Variants in KIRREL3 observed in about 807,000 individuals in gnomAD.
KIRREL3 encodes the protein kirre like nephrin family adhesion molecule 3.
KIRREL3 carries 36 observed loss-of-function variants against 89.7 expected under a neutral mutation model. The ratio of observed to expected loss-of-function variants is 0.40; its 90% CI spans 0.31 to 0.53. KIRREL3 has a LOEUF of 0.53. Among genes scored for constraint, KIRREL3 ranks in the 20% least tolerant of loss-of-function variants. KIRREL3 has a pLI of 0.49. For missense variants in KIRREL3, 864 were observed against 1,056.6 expected (o/e 0.82, Z 2.53); for synonymous variants, 445 against 441.4 (o/e 1.01, Z -0.10).
chr11:126,931,909 C>T lies in KIRREL3; in HGVS notation c.55+68546G>A, dbSNP rs1325732649. Reference sequence around the variant, plus strand: ...CGAGGCATACTCGTACCAAGGAGGGCATAAGGATTTTATTTCCACAGCTAC... The same window carrying T: ...CGAGGCATACTCGTACCAAGGAGGGTATAAGGATTTTATTTCCACAGCTAC... On this transcript the variant is annotated intron_variant, in intron 1 of 16. Coordinates refer to ENST00000525144, the MANE Select transcript of KIRREL3 (RefSeq NM_032531.4). The surrounding 1 kb of genome is among the most constrained non-coding windows in gnomAD (Gnocchi z 5.1). 6.6e-6 allele frequency among the ~76,000 whole-genome samples: 1 copy of T among 152,162 alleles called. No homozygotes were observed. The highest frequency in any genetic ancestry group is 1.5e-5 in the Non-Finnish European group (1 of 68,038).
chr11:126,829,452 G>A lies in KIRREL3; in HGVS notation c.55+171003C>T, dbSNP rs576369834. On this transcript the variant is annotated intron_variant, in intron 1 of 16. Coordinates refer to ENST00000525144, the MANE Select transcript of KIRREL3 (RefSeq NM_032531.4). ...CAAGATTCACCCACTAGATTCCATA[G>A]GCATTAAGAATCCAGCTCAGAGGTA... is the stretch of plus-strand genomic sequence containing the variant. 3.3e-5 allele frequency among the ~76,000 whole-genome samples: 5 copies of A among 152,246 alleles called. No homozygotes were observed. The South Asian group carries it at 8.3e-4, about 25-fold the overall frequency.
At chr11:126,919,518 AC>A (rs1312253454) in intron 1 of KIRREL3, among the ~76,000 whole-genome samples, 1 of 152,218 alleles carries the variant, frequency 6.6e-6, no homozygotes, top group East Asian at 1.9e-4. Context: ...ATGTCCAGTC[AC>A]CACCCAAGGC....
Position 126,734,259 on chromosome 11 carries a change from T to C in KIRREL3, c.56-171347A>G, listed in dbSNP as rs1239989792. 6.6e-6 allele frequency among the ~76,000 whole-genome samples: 1 copy of C among 152,228 alleles called. No homozygotes were observed. Among genetic ancestry groups the C allele is most frequent in the South Asian group, 2.1e-4 (1 of 4,826 alleles). ...GAAAAAAAGCTCTACTTTTGGGATC[T>C]ATGGCAGGTTCTTGGGGTCATTTAT... On this transcript the variant is annotated intron_variant, in intron 1 of 16. Coordinates refer to ENST00000525144, the MANE Select transcript of KIRREL3 (RefSeq NM_032531.4). The surrounding 1 kb of genome is among the most constrained non-coding windows in gnomAD (Gnocchi z 5.9).
chr11:126,464,218 A>C (rs546056368), intron 5 of KIRREL3, among the ~76,000 whole-genome samples: 1 of 151,994 alleles, frequency 6.6e-6, no homozygotes, highest in South Asian at 2.1e-4. Context: ...GAAGAAGAGA[A>C]GAGAGTCTGC....
chr11:126,770,543 C>T lies in KIRREL3; in HGVS notation c.56-207631G>A, dbSNP rs150445423. Among the ~76,000 whole-genome samples, 554 of 152,262 alleles carry T rather than the reference C, an allele frequency of 3.6e-3. 2 individuals carry two copies. The highest frequency in any genetic ancestry group is 4.9e-3 in the Non-Finnish European group (336 of 68,014). On this transcript the variant is annotated intron_variant, in intron 1 of 16. Coordinates refer to ENST00000525144, the MANE Select transcript of KIRREL3 (RefSeq NM_032531.4). The stretch of plus-strand genomic sequence containing the variant: ...TAAAAATGCCTTGATGGTTGTAAAA[C>T]GGAAGGCGAAGCACATCGTGCCTCT...
rs1319125976 is a variant in KIRREL3, at chr11:126,791,491, A to G, written c.55+208964T>C. Among the ~76,000 whole-genome samples the G allele has an allele frequency of 6.6e-6, 1 of 152,248 alleles. No individual in the cohort carries two copies. The highest frequency in any genetic ancestry group is 1.9e-4 in the East Asian group (1 of 5,196). ...TTGCAGAAAATTGTACATATTGTGCAGATCCATCTCCTTTTCTTGCCCTTC... is the reference window on the plus strand; with the variant it reads ...TTGCAGAAAATTGTACATATTGTGCGGATCCATCTCCTTTTCTTGCCCTTC... On this transcript the variant is annotated intron_variant, in intron 1 of 16. Transcript: ENST00000525144. This position sits in a 1 kb window ranked among gnomAD's most constrained non-coding sequence, Gnocchi z 4.8.
intron 2 of KIRREL3, among the ~76,000 whole-genome samples, chr11:126,538,837 C>T (rs537148596): frequency 2.0e-5 from 3 of 152,132 alleles, no homozygotes; most frequent in Non-Finnish European, 4.4e-5. Context: ...TCTGGAGCTG[C>T]GGGGAGGCAA....
chr11:126,442,739 C>T (rs921527807), intron 10 of KIRREL3, among the ~76,000 whole-genome samples: 2 of 152,262 alleles, frequency 1.3e-5, no homozygotes, highest in Non-Finnish European at 2.9e-5. Flanking sequence ...AGACAGTTCG[C>T]CCCCTGGCAG....
At position 126,623,992 on chromosome 11, in the gene KIRREL3, C is replaced by G. The variant is rs536371038; in HGVS notation, c.56-61080G>C. 5.3e-5 allele frequency among the ~76,000 whole-genome samples: 8 copies of G among 152,264 alleles called. No homozygotes were observed. The highest frequency in any genetic ancestry group is 1.0e-4 in the Non-Finnish European group (7 of 68,012). On this transcript the variant is annotated intron_variant, in intron 1 of 16. Transcript: ENST00000525144. The surrounding 1 kb of genome is among the most constrained non-coding windows in gnomAD (Gnocchi z 4.1). ...AACTGGTCAGAAAGATCCAACAGCT[C>G]AGACAAGGAGAAGGGAAGAGCTAAT...
chr11:126,527,229 T>C lies in KIRREL3; in HGVS notation c.134-542A>G, dbSNP rs1591681381. 6.6e-6 allele frequency among the ~76,000 whole-genome samples: 1 copy of C among 151,922 alleles called. No homozygotes were observed. The highest frequency in any genetic ancestry group is 2.1e-4 in the South Asian group (1 of 4,796). On this transcript the variant is annotated intron_variant, in intron 2 of 16. Transcript: ENST00000525144. The surrounding 1 kb of genome is among the most constrained non-coding windows in gnomAD (Gnocchi z 4.2). Reference sequence around the variant, plus strand: ...TGAGGGCCAAGTTCAGAGGGGTGGGTGGTGGTGCAGTATGGCAGGAGGTGT... The same window carrying C: ...TGAGGGCCAAGTTCAGAGGGGTGGGCGGTGGTGCAGTATGGCAGGAGGTGT...
At chr11:126,944,684 C>G (rs1192422271) in intron 1 of KIRREL3, among the ~76,000 whole-genome samples, 1 of 152,038 alleles carries the variant, frequency 6.6e-6, no homozygotes, top group Non-Finnish European at 1.5e-5. Context: ...TGCCACCTTC[C>G]CCTACACCCA....
rs1958416791 is a variant in KIRREL3 at position 126,516,616 on chromosome 11, A to G, written c.433+4699T>C. Among the ~76,000 whole-genome samples, 1 of 152,106 alleles carries G rather than the reference A, an allele frequency of 6.6e-6. No homozygotes were observed. Among genetic ancestry groups the G allele is most frequent in the Non-Finnish European group, 1.5e-5 (1 of 68,026 alleles). On this transcript the variant is annotated intron_variant, in intron 4 of 16. Transcript: ENST00000525144. The surrounding 1 kb of genome is among the most constrained non-coding windows in gnomAD (Gnocchi z 4.9). ...TGCTCAGTAAACATTTGTTGATCAAATCCTTGGTACCATTTCCTCCCTGCC... is the reference window on the plus strand; with the variant it reads ...TGCTCAGTAAACATTTGTTGATCAAGTCCTTGGTACCATTTCCTCCCTGCC...
At position 126,999,127 on chromosome 11, in the gene KIRREL3, C is replaced by G. The variant is rs1026649654; in HGVS notation, c.55+1328G>C. Among the ~76,000 whole-genome samples the G allele has an allele frequency of 6.9e-6, 1 of 145,568 alleles. No individual in the cohort carries two copies. Among genetic ancestry groups the G allele is most frequent in the Non-Finnish European group, 1.5e-5 (1 of 67,018 alleles). ...TGCTGTAGGGAGCCTTGGTGAGAAG[C>G]ACACAACCATATGAATACATGAGTG... On this transcript the variant is annotated intron_variant, in intron 1 of 16. Coordinates refer to ENST00000525144, the MANE Select transcript of KIRREL3 (RefSeq NM_032531.4). The surrounding 1 kb of genome is among the most constrained non-coding windows in gnomAD (Gnocchi z 5.7).
At chr11:126,464,858 C>T (rs1488254467) in intron 5 of KIRREL3, among the ~76,000 whole-genome samples, 3 of 152,178 alleles carry the variant, frequency 2.0e-5, no homozygotes, top group Non-Finnish European at 4.4e-5. Flanking sequence ...AATTGTGGTG[C>T]TTTGTAATGG....
chr11:126,807,408 A>C lies in KIRREL3; in HGVS notation c.55+193047T>G, dbSNP rs1171676054. ...GCCATGTACACATGTTCTAACCTGT[A>C]TTTTGGCTTCTAGTGGTTGAGACCT... On this transcript the variant is annotated intron_variant, in intron 1 of 16. Transcript: ENST00000525144. This position sits in a 1 kb window ranked among gnomAD's most constrained non-coding sequence, Gnocchi z 4.3. 6.6e-6 allele frequency among the ~76,000 whole-genome samples: 1 copy of C among 152,194 alleles called. No individual in the cohort carries two copies. The highest frequency in any genetic ancestry group is 1.5e-5 in the Non-Finnish European group (1 of 68,028).
At chr11:126,809,167 G>A (rs924801571) in intron 1 of KIRREL3, among the ~76,000 whole-genome samples, 1 of 152,130 alleles carries the variant, frequency 6.6e-6, no homozygotes, top group African/African-American at 2.4e-5. Flanking sequence ...CTTCATTAAG[G>A]GGTGGCAGAG....
chr11:126,922,937 C>T (rs931098328), intron 1 of KIRREL3, among the ~76,000 whole-genome samples: 1 of 152,212 alleles, frequency 6.6e-6, no homozygotes, highest in Non-Finnish European at 1.5e-5. Context: ...GGCCTCATGA[C>T]TCTGAGTCCC....
At chr11:126,894,566 A>AGG (rs1946068077) in intron 1 of KIRREL3, among the ~76,000 whole-genome samples, 1 of 149,174 alleles carries the variant, frequency 6.7e-6, no homozygotes, top group Non-Finnish European at 1.5e-5. Context: ...AAAAAAAAAA[A>AGG]AAAAGGAAAA....
chr11:126,891,736 G>T lies in KIRREL3; in HGVS notation c.55+108719C>A, dbSNP rs186449273. Among the ~76,000 whole-genome samples, 99 of 152,296 alleles carry T rather than the reference G, an allele frequency of 6.5e-4. No homozygotes were observed. The highest frequency in any genetic ancestry group is 2.2e-3 in the African/African-American group (93 of 41,574). The stretch of plus-strand genomic sequence containing the variant: ...TGACTCAAAGGAAGTTGGCTGGCAG[G>T]TTCTGCGATCCCTGGAGATGGGCAG... On this transcript the variant is annotated intron_variant, in intron 1 of 16. Transcript: ENST00000525144. This position sits in a 1 kb window ranked among gnomAD's most constrained non-coding sequence, Gnocchi z 5.1.
Sources: allele counts gnomAD v4.1 joint callset (sites outside exome capture counted in the v4.1 genomes callset), GRCh38; gene constraint gnomAD v4.1.1; non-coding constraint Gnocchi (gnomAD v3.1); transcripts MANE v1.5; gene names NCBI Gene and HGNC (gene_info 2026-07-23, HGNC 2026-07-21).